Variants in GABRB3 observed in about 807,000 individuals in gnomAD.
The protein encoded by GABRB3 is gamma-aminobutyric acid receptor subunit beta-3.
GABRB3 carries 14 observed loss-of-function variants against 52.1 expected under a neutral mutation model. The observed-to-expected ratio is 0.27, with a 90% CI of 0.18 to 0.42. The LOEUF is 0.42. GABRB3 is among the 10% of genes least tolerant of loss of function. GABRB3 has a pLI of 1.00. For missense variants in GABRB3, 307 were observed against 609.1 expected, an observed-to-expected ratio of 0.50 and a Z score of 5.22; for synonymous variants, 260 against 232.3, an observed-to-expected ratio of 1.12 and a Z score of -1.08.
In GABRB3 at chr15:26,772,787, G is replaced by C; in HGVS notation, c.81-15C>G. ...GATCGTTCACACTGGGGGAGGGACG[G>C]GGAGCACAAAGAGCGGGGTCAGGGG... On this transcript the variant is annotated splice_polypyrimidine_tract_variant and intron_variant, in intron 1 of 8. Transcript: ENST00000311550. 1 of 1,538,994 alleles carries C rather than the reference G, an allele frequency of 6.5e-7. No homozygotes were observed. The highest frequency in any genetic ancestry group is 8.8e-7 in the Non-Finnish European group (1 of 1,141,316).
intron 8 of GABRB3, among the ~76,000 whole-genome samples, chr15:26,551,283 A>G (rs1889451714): frequency 6.6e-6 from 1 of 152,174 alleles, no homozygotes; most frequent in Non-Finnish European, 1.5e-5. Context: ...GTGCAACTCA[A>G]GCTATAAGAA....
chr15:26,622,139 G>A (rs17646626), intron 3 of GABRB3, among the ~76,000 whole-genome samples: 54,893 of 151,752 alleles, frequency 0.36, 10,620 homozygotes, highest in Middle Eastern at 0.47. Context: ...AAAATCACCC[G>A]GAGATGATGA....
At chr15:26,751,950 A>T (rs966822921) in intron 3 of GABRB3, among the ~76,000 whole-genome samples, 4 of 152,228 alleles carry the variant, frequency 2.6e-5, no homozygotes, top group Admixed American at 2.0e-4. Context: ...AATAAACGAA[A>T]AATATAAATG....
chr15:26,763,044 C>A (rs1316637118), intron 3 of GABRB3, among the ~76,000 whole-genome samples: 1 of 152,228 alleles, frequency 6.6e-6, no homozygotes, highest in African/African-American at 2.4e-5. Context: ...GGTATCCCCG[C>A]CCCCTTTCTA....
chr15:26,574,548 C>A (rs1890523192), intron 6 of GABRB3, among the ~76,000 whole-genome samples: 2 of 152,222 alleles, frequency 1.3e-5, no homozygotes, highest in Non-Finnish European at 2.9e-5. Context: ...AAAGAAAATG[C>A]AGTATATTTC....
At chr15:26,699,784 A>T (rs1238810130) in intron 3 of GABRB3, among the ~76,000 whole-genome samples, 1 of 152,038 alleles carries the variant, frequency 6.6e-6, no homozygotes, top group East Asian at 1.9e-4. Context: ...AAAATAAAAG[A>T]GCGTAAGTGA....
At chr15:26,734,255 TC>T (rs1383095012) in intron 3 of GABRB3, among the ~76,000 whole-genome samples, 1 of 151,952 alleles carries the variant, frequency 6.6e-6, no homozygotes, top group Non-Finnish European at 1.5e-5. Context: ...GGTCTTGAAC[TC>T]CCGACCTCAG....
intron 3 of GABRB3, among the ~76,000 whole-genome samples, chr15:26,673,109 A>G (rs890843637): frequency 6.6e-6 from 1 of 152,204 alleles, no homozygotes; most frequent in Non-Finnish European, 1.5e-5. Flanking sequence ...ACTAAATTCC[A>G]AACAAGCCGG....
intron 7 of GABRB3, among the ~76,000 whole-genome samples, chr15:26,563,592 A>T (rs1440598260): frequency 6.6e-6 from 1 of 152,226 alleles, no homozygotes; most frequent in Non-Finnish European, 1.5e-5. Context: ...TCTAATGGCA[A>T]TGGCTGAAAA....
rs1892712309 is a variant in GABRB3 at position 26,626,757 on chromosome 15, A to G, written c.241-5223T>C. On this transcript the variant is annotated intron_variant, in intron 3 of 8. Coordinates refer to ENST00000311550, the MANE Select transcript of GABRB3 (RefSeq NM_000814.6). ...GTTAGAAGATAGGAGAGATTGGTTC[A>G]TGAGGTTTAAGCAACGAAGCCATTT... 5.3e-5 allele frequency among the ~76,000 whole-genome samples: 8 copies of G among 152,366 alleles called. 2 individuals carry two copies. In the South Asian group the frequency reaches 1.2e-3, roughly 24 times the overall value.
intron 4 of GABRB3, among the ~76,000 whole-genome samples, chr15:26,617,764 C>T (rs1189399596): frequency 6.6e-6 from 1 of 152,066 alleles, no homozygotes; most frequent in Non-Finnish European, 1.5e-5. Context: ...ATCTAGAAAA[C>T]CCCACTGTCT....
intron 3 of GABRB3, among the ~76,000 whole-genome samples, chr15:26,690,106 A>ATTTTCTTT (rs1888540072): frequency 7.3e-6 from 1 of 137,488 alleles, no homozygotes. Flanking sequence ...AGGTACACGG[A>ATTTTCTTT]TTTTTTTTTT....
chr15:26,602,127 T>C (rs187642499), intron 4 of GABRB3, among the ~76,000 whole-genome samples: 30 of 152,172 alleles, frequency 2.0e-4, no homozygotes, highest in Admixed American at 1.2e-3. Flanking sequence ...ATCAGACAAA[T>C]TATATTCCTA....
chr15:26,547,286 G>C lies in GABRB3; in HGVS notation c.*507C>G. Reference sequence around the variant, plus strand: ...AACTGAACGAGAGGATATGAAGTAAGTGACTCATTTTAAACTAGCAATACC... The same window carrying C: ...AACTGAACGAGAGGATATGAAGTAACTGACTCATTTTAAACTAGCAATACC... On this transcript the variant is annotated 3_prime_UTR_variant, in exon 9 of 9. Coordinates refer to ENST00000311550, the MANE Select transcript of GABRB3 (RefSeq NM_000814.6). 1 of 380,772 alleles carries C rather than the reference G, an allele frequency of 2.6e-6. No homozygotes were observed. Among genetic ancestry groups the C allele is most frequent in the Non-Finnish European group, 4.7e-6 (1 of 214,866 alleles). The allele number at this position is 380,772 out of a possible 1,614,324, so 23.6% of individuals were successfully genotyped here.
chr15:26,670,190 G>A (rs947988807), intron 3 of GABRB3, among the ~76,000 whole-genome samples: 1 of 152,228 alleles, frequency 6.6e-6, no homozygotes, highest in African/African-American at 2.4e-5. Context: ...AAGCCCAGCG[G>A]GTAAGCGGGG....
intron 1 of GABRB3, 25 bp downstream of exon 1, chr15:26,772,857 GC>G: frequency 5.5e-6 from 8 of 1,448,290 alleles, no homozygotes; most frequent in Non-Finnish European, 7.3e-6. Context: ...CCTGCCCGCC[GC>G]CCGCCGGCCC....
At chr15:26,652,507 T>C (rs529973102) in intron 3 of GABRB3, among the ~76,000 whole-genome samples, 1 of 152,326 alleles carries the variant, frequency 6.6e-6, no homozygotes, top group African/African-American at 2.4e-5. Context: ...GAATTTTAAC[T>C]GCATGATGCA....
At chr15:26,555,727 G>C (rs150309294) in intron 8 of GABRB3, among the ~76,000 whole-genome samples, 127 of 152,290 alleles carry the variant, frequency 8.3e-4, no homozygotes, top group African/African-American at 2.8e-3. Context: ...GTGAACACTT[G>C]TAACGGAAAC....
intron 3 of GABRB3, among the ~76,000 whole-genome samples, chr15:26,753,358 G>A (rs1042702949): frequency 6.6e-6 from 1 of 152,224 alleles, no homozygotes; most frequent in Admixed American, 6.5e-5. Context: ...GTGAAAGACA[G>A]ATCAGAGACC....
Sources: allele counts gnomAD v4.1 joint callset (sites outside exome capture counted in the v4.1 genomes callset), GRCh38; gene constraint gnomAD v4.1.1; transcripts MANE v1.5; gene names NCBI Gene and HGNC (gene_info 2026-07-23, HGNC 2026-07-21).